ESR2: variants seen among roughly 807,000 people sequenced by gnomAD.
ESR2 encodes estrogen receptor 2, also known as estrogen receptor beta.
A neutral mutation model predicts 49.6 loss-of-function variants in ESR2; 36 were observed. That is an observed-to-expected ratio of 0.73 (90% CI 0.56 to 0.96). The LOEUF is 0.96. ESR2 is among the 40% of genes least tolerant of loss of function. ESR2 has a pLI of 0.00. For missense variants in ESR2, 714 were observed against 693.0 expected (o/e 1.03, Z -0.34); for synonymous variants, 320 against 266.1 (o/e 1.20, Z -1.97).
At chr14:64,263,014 A>G (rs1253573697) in intron 4 of ESR2, among the ~76,000 whole-genome samples, 1 of 152,240 alleles carries the variant, frequency 6.6e-6, no homozygotes, top group Non-Finnish European at 1.5e-5. Flanking sequence ...GAAGAAGTAG[A>G]AAATACATAA....
chr14:64,269,401 T>C (rs1233588611), intron 3 of ESR2, among the ~76,000 whole-genome samples: 1 of 152,198 alleles, frequency 6.6e-6, no homozygotes, highest in Admixed American at 6.5e-5. Flanking sequence ...CAGAAAGTAC[T>C]GCTATTGACA....
Position 64,248,030 on chromosome 14 carries a change from C to T in ESR2, c.1225+1516G>A, listed in dbSNP as rs373243453. On this transcript the variant is annotated intron_variant, in intron 7 of 8. Transcript: ENST00000341099. Reference sequence around the variant, plus strand: ...CCAACACAGGGATACCTCACCTCTACAAAAAATACAAAAATTATTCGGGTG... The same window carrying T: ...CCAACACAGGGATACCTCACCTCTATAAAAAATACAAAAATTATTCGGGTG... Among the ~76,000 whole-genome samples, 3 of 152,062 alleles carry T rather than the reference C, an allele frequency of 2.0e-5. No individual in the cohort carries two copies. The East Asian group carries it at 5.8e-4, about 29-fold the overall frequency.
At chr14:64,251,611 A>G (rs1366226689) in intron 6 of ESR2, among the ~76,000 whole-genome samples, 2 of 152,194 alleles carry the variant, frequency 1.3e-5, no homozygotes, top group Non-Finnish European at 2.9e-5. Context: ...TGGCATACTG[A>G]GGTATTTTAA....
chr14:64,265,844 G>T (rs569507568), intron 4 of ESR2, among the ~76,000 whole-genome samples: 1 of 152,316 alleles, frequency 6.6e-6, no homozygotes, highest in South Asian at 2.1e-4. Flanking sequence ...GCAGGATGGT[G>T]CAGGAGGATC....
At chr14:64,335,454 G>A (rs1164089193) in intron 1 of ESR2, among the ~76,000 whole-genome samples, 1 of 152,192 alleles carries the variant, frequency 6.6e-6, no homozygotes, top group African/African-American at 2.4e-5. Flanking sequence ...TCCTGGTGAG[G>A]ACTCTTCCTA....
In ESR2 at chr14:64,232,406, G is replaced by T. The variant is rs555760010; in HGVS notation, c.*731C>A. On this transcript the variant is annotated 3_prime_UTR_variant, in exon 9 of 9. Transcript: ENST00000341099. ...GGAAGAGCAGCTCCAGAAGCAGCGA[G>T]ATTTGTATCTCCCACAGTCCTGCAT... The T allele has an allele frequency of 1.3e-5, 2 of 152,430 alleles. No individual in the cohort carries two copies. The highest frequency in any genetic ancestry group is 3.9e-4 in the East Asian group (2 of 5,182). 9.4% of individuals were successfully genotyped at this position (152,430 alleles called of 1,614,324 possible).
intron 6 of ESR2, among the ~76,000 whole-genome samples, chr14:64,252,129 C>T (rs531297589): frequency 9.2e-5 from 14 of 152,046 alleles, no homozygotes; most frequent in Non-Finnish European, 8.8e-5. Context: ...CCAGCCTGGG[C>T]GATGTAGCAA....
upstream of ESR2, among the ~76,000 whole-genome samples, chr14:64,296,690 C>T (rs1392844491): frequency 6.6e-6 from 1 of 152,230 alleles, no homozygotes; most frequent in Non-Finnish European, 1.5e-5. Context: ...CAAGCTTCTG[C>T]TCTGTGTTCA....
intron 1 of ESR2, chr14:64,337,763 C>G (rs1184986843): frequency 6.6e-6 from 1 of 152,118 alleles, no homozygotes; most frequent in Non-Finnish European, 1.5e-5. Flanking sequence ...GAAAAAAATA[C>G]TAAAAGCCCC....
At chr14:64,318,736 CA>C (rs772487516) in intron 1 of ESR2, among the ~76,000 whole-genome samples, 28 of 150,686 alleles carry the variant, frequency 1.9e-4, no homozygotes, top group Non-Finnish European at 3.5e-4. Flanking sequence ...TCCATCTCTA[CA>C]AAAGAAAAAA....
At position 64,229,618 on chromosome 14, in the gene ESR2, T is replaced by A. The variant is rs956696484; in HGVS notation, c.*3519A>T. ...TTTAAAATATTTTTCTTTAAATTTT[T>A]AAACTGTTTGAAGTGCATGGTCACT... On this transcript the variant is annotated 3_prime_UTR_variant, in exon 9 of 9. Coordinates refer to ENST00000341099, the MANE Select transcript of ESR2 (RefSeq NM_001437.3). Among the ~76,000 whole-genome samples the A allele has an allele frequency of 2.0e-5, 3 of 152,216 alleles. No homozygotes were observed. Among genetic ancestry groups the A allele is most frequent in the Non-Finnish European group, 2.9e-5 (2 of 68,036 alleles).
At chr14:64,337,475 A>C (rs1293896150) in intron 1 of ESR2, 1 of 152,224 alleles carries the variant, frequency 6.6e-6, no homozygotes, top group African/African-American at 2.4e-5. Context: ...ACATTTTCAG[A>C]AGCTCTTATA....
upstream of ESR2, chr14:64,338,412 G>A (rs989090325): frequency 1.3e-5 from 2 of 154,984 alleles, no homozygotes; most frequent in Non-Finnish European, 2.9e-5. Context: ...CCCGACCCCA[G>A]TCTGGCGGCG....
In ESR2 at chr14:64,277,047, A is replaced by T. The variant is rs2076570173; in HGVS notation, c.535+2934T>A. 2.6e-5 allele frequency among the ~76,000 whole-genome samples: 4 copies of T among 152,220 alleles called. No individual in the cohort carries two copies. In the South Asian group the frequency reaches 8.3e-4, roughly 31 times the overall value. On this transcript the variant is annotated intron_variant, in intron 3 of 8. Coordinates refer to ENST00000341099, the MANE Select transcript of ESR2 (RefSeq NM_001437.3). ...TAGGAAAGAGAACAAAAAGTAAAGG[A>T]TAAGCTCAAAAAATAAGCCATGCTG...
At chr14:64,227,564 G>A (rs2098722609), downstream of ESR2, 1 of 1,614,104 alleles carries the variant, frequency 6.2e-7, no homozygotes, top group Non-Finnish European at 8.5e-7. Flanking sequence ...AGGCAAAAGA[G>A]TCTCCATCTT....
At position 64,268,924 on chromosome 14, in the gene ESR2, G is replaced by A. The variant is rs777472478; in HGVS notation, c.536-13C>T. The A allele has an allele frequency of 1.4e-6, 2 of 1,441,640 alleles. No individual in the cohort carries two copies. Among genetic ancestry groups the A allele is most frequent in the East Asian group, 2.3e-5 (1 of 43,994 alleles). The allele number at this position is 1,441,640 out of a possible 1,614,324, so 89.3% of individuals were successfully genotyped here. On this transcript the variant is annotated splice_polypyrimidine_tract_variant and intron_variant, in intron 3 of 8. Coordinates refer to ENST00000341099, the MANE Select transcript of ESR2 (RefSeq NM_001437.3). ...TAATCATTATGTCCTATAGCAGAGTGGGAGGGAAAAAAAGATTATTGCTAT... is the reference window on the plus strand; with the variant it reads ...TAATCATTATGTCCTATAGCAGAGTAGGAGGGAAAAAAAGATTATTGCTAT...
At chr14:64,238,938 T>G (rs2140635247) in intron 7 of ESR2, among the ~76,000 whole-genome samples, 1 of 152,274 alleles carries the variant, frequency 6.6e-6, no homozygotes, top group South Asian at 2.1e-4. Context: ...CAGCCACCTC[T>G]CCTTCAAGAT....
intron 1 of ESR2, among the ~76,000 whole-genome samples, chr14:64,310,289 T>TAAAAAAAAAAAATAAA (rs1567795706): frequency 8.0e-6 from 1 of 124,370 alleles, no homozygotes; most frequent in African/African-American, 3.0e-5. Context: ...TCTCAAAAAA[T>TAAAAAAAAAAAATAAA]AATAATAATA....
In ESR2 at chr14:64,233,464, C is replaced by T. The variant is rs944049; in HGVS notation, c.1407-141G>A. On this transcript the variant is annotated intron_variant, in intron 8 of 8. Transcript: ENST00000341099. ...TCCCCCAGCCCATTTATCCATGGCT[C>T]GTGCATCCAGCTCCCCCTGATAATT... 1.0e-3 allele frequency: 770 copies of T among 739,162 alleles called. No homozygotes were observed. The African/African-American group carries it at 0.011, about 11-fold the overall frequency. The allele number at this position is 739,162 out of a possible 1,614,324, so 45.8% of individuals were successfully genotyped here.
Sources: allele counts gnomAD v4.1 joint callset (sites outside exome capture counted in the v4.1 genomes callset), GRCh38; gene constraint gnomAD v4.1.1; transcripts MANE v1.5; gene names NCBI Gene and HGNC (gene_info 2026-07-23, HGNC 2026-07-21).